Variants in DSCAML1 observed in about 807,000 individuals in gnomAD.
The protein encoded by DSCAML1 is DS cell adhesion molecule like 1, also known as cell adhesion molecule DSCAML1.
A neutral mutation model predicts 200.5 loss-of-function variants in DSCAML1; 38 were observed. The observed-to-expected ratio is 0.19, with a 90% CI of 0.15 to 0.25. The LOEUF (loss-of-function observed/expected upper bound fraction) is 0.25, where lower values mean the gene tolerates loss of function less well. Among genes scored for constraint, DSCAML1 ranks in the 10% least tolerant of loss-of-function variants. The pLI is 1.00. For missense variants in DSCAML1, 2,223 were observed against 2,858.8 expected (o/e 0.78, Z 5.07); for synonymous variants, 1,215 against 1,165.0 (o/e 1.04, Z -0.87).
chr11:117,450,715 T>C, intron 19 of DSCAML1, 27 bp from the exon 20 acceptor site: 1 of 1,608,188 alleles, frequency 6.2e-7, no homozygotes, highest in South Asian at 1.1e-5. Context: ...CCTGGTCAGT[T>C]GAGAGAAAGC....
At chr11:117,661,471 T>C (rs1468930302) in intron 3 of DSCAML1, among the ~76,000 whole-genome samples, 1 of 152,224 alleles carries the variant, frequency 6.6e-6, no homozygotes, top group Non-Finnish European at 1.5e-5. Context: ...ATTGTCTAAT[T>C]ATGGCTCATT....
intron 19 of DSCAML1, among the ~76,000 whole-genome samples, chr11:117,454,065 A>G (rs1311278892): frequency 6.6e-6 from 1 of 152,046 alleles, no homozygotes; most frequent in African/African-American, 2.4e-5. Context: ...TTGTGGCTTG[A>G]TATCTTTCAT....
intron 3 of DSCAML1, among the ~76,000 whole-genome samples, chr11:117,685,822 G>A (rs1004644445): frequency 2.0e-5 from 3 of 152,186 alleles, no homozygotes; most frequent in Admixed American, 6.5e-5. Context: ...CCTGTCATTC[G>A]TGAAGGGAGA....
intron 4 of DSCAML1, among the ~76,000 whole-genome samples, chr11:117,530,102 C>T (rs533392510): frequency 2.0e-5 from 3 of 152,206 alleles, no homozygotes; most frequent in Admixed American, 6.5e-5. Flanking sequence ...CTGTCGGTAC[C>T]GTCCCATCTT....
chr11:117,516,344 T>G lies in DSCAML1; in HGVS notation c.1783+123A>C. 3.9e-6 allele frequency: 5 copies of G among 1,283,984 alleles called. No individual in the cohort carries two copies. Among genetic ancestry groups the G allele is most frequent in the Non-Finnish European group, 5.3e-6 (5 of 944,024 alleles). The allele number at this position is 1,283,984 out of a possible 1,614,324, so 79.5% of individuals were successfully genotyped here. A position where few individuals can be genotyped will look rare whatever the true frequency, so the allele number is the denominator to read the frequency against. On this transcript the variant is annotated intron_variant, in intron 8 of 32. Transcript: ENST00000651296. The surrounding 1 kb of genome is among the most constrained non-coding windows in gnomAD (Gnocchi z 5.7). ...TTTTTCTGAATGCCAAGCTGGGGCC[T>G]CTCTTGCTCAGCCTTCCGTTCACCC...
At chr11:117,640,461 A>G (rs2052384920) in intron 3 of DSCAML1, among the ~76,000 whole-genome samples, 2 of 152,220 alleles carry the variant, frequency 1.3e-5, no homozygotes, top group South Asian at 4.1e-4. Flanking sequence ...TACGTCATAC[A>G]GAGGCAAGTG....
At chr11:117,641,198 C>G (rs972998821) in intron 3 of DSCAML1, among the ~76,000 whole-genome samples, 1 of 152,216 alleles carries the variant, frequency 6.6e-6, no homozygotes, top group Non-Finnish European at 1.5e-5. Flanking sequence ...GACTAGTTGA[C>G]CCCAGGGTCC....
intron 3 of DSCAML1, among the ~76,000 whole-genome samples, chr11:117,710,081 G>A (rs2053820822): frequency 6.6e-6 from 1 of 152,154 alleles, no homozygotes; most frequent in Non-Finnish European, 1.5e-5. Context: ...TGTTCTGATG[G>A]TCTGGGATTT....
chr11:117,595,089 C>CA (rs375717572), intron 3 of DSCAML1, among the ~76,000 whole-genome samples: 52 of 151,496 alleles, frequency 3.4e-4, no homozygotes, highest in African/African-American at 1.2e-3. Context: ...CACACACACA[C>CA]CCTTTGATAT....
At chr11:117,750,282 G>C (rs903679918) in intron 3 of DSCAML1, among the ~76,000 whole-genome samples, 2 of 152,218 alleles carry the variant, frequency 1.3e-5, no homozygotes, top group African/African-American at 4.8e-5. Flanking sequence ...ACCGAGCGGG[G>C]ATATGCAGGT....
rs572186373 is a variant in DSCAML1, at chr11:117,652,294, T to C, written c.512-119772A>G. ...CTCTTAGTCTCCATGACGAGAGAGGTCACCTGGGCTACGCATGTGATGCTG... is the reference window on the plus strand; with the variant it reads ...CTCTTAGTCTCCATGACGAGAGAGGCCACCTGGGCTACGCATGTGATGCTG... On this transcript the variant is annotated intron_variant, in intron 3 of 32. Transcript: ENST00000651296. Among the ~76,000 whole-genome samples, 20 of 152,198 alleles carry C rather than the reference T, an allele frequency of 1.3e-4. No individual in the cohort carries two copies. The South Asian group carries it at 3.7e-3, about 28-fold the overall frequency.
intron 3 of DSCAML1, among the ~76,000 whole-genome samples, chr11:117,613,744 G>T (rs1026568398): frequency 2.6e-5 from 4 of 152,142 alleles, no homozygotes; most frequent in African/African-American, 9.7e-5. Flanking sequence ...AATATAACTG[G>T]CCCCAGGGGG....
intron 3 of DSCAML1, among the ~76,000 whole-genome samples, chr11:117,620,118 A>C (rs1056192672): frequency 6.6e-6 from 1 of 152,286 alleles, no homozygotes; most frequent in South Asian, 2.1e-4. Context: ...ATTACAGCCC[A>C]GTGACTTTGA....
intron 3 of DSCAML1, among the ~76,000 whole-genome samples, chr11:117,697,090 G>A (rs571171328): frequency 1.2e-4 from 18 of 152,234 alleles, no homozygotes; most frequent in South Asian, 4.2e-4. Flanking sequence ...TTGTCATCTC[G>A]TTTTATCAAT....
chr11:117,782,489 C>T (rs1348426167), intron 1 of DSCAML1, among the ~76,000 whole-genome samples: 1 of 152,164 alleles, frequency 6.6e-6, no homozygotes, highest in Non-Finnish European at 1.5e-5. Context: ...CTTCATGCTG[C>T]CTACTCTTGT....
Position 117,780,363 on chromosome 11 carries a change from C to T in DSCAML1, c.364+130G>A. The T allele has an allele frequency of 1.4e-6, 1 of 728,408 alleles. No homozygotes were observed. Among genetic ancestry groups the T allele is most frequent in the Non-Finnish European group, 2.0e-6 (1 of 505,598 alleles). The allele number at this position is 728,408 out of a possible 1,614,324, so 45.1% of individuals were successfully genotyped here. A position where few individuals can be genotyped will look rare whatever the true frequency, so the allele number is the denominator to read the frequency against. On this transcript the variant is annotated intron_variant, in intron 2 of 32. Transcript: ENST00000651296. The surrounding 1 kb of genome is among the most constrained non-coding windows in gnomAD (Gnocchi z 4.8). ...TATGGACACACAGCAAGTGGTACAA[C>T]AAAGATTCAAAAGAGAACAACAAAA...
chr11:117,650,704 T>TGC (rs1555194712), intron 3 of DSCAML1, among the ~76,000 whole-genome samples: 11 of 142,670 alleles, frequency 7.7e-5, no homozygotes, highest in East Asian at 6.1e-4. Context: ...TGTGTGTGCG[T>TGC]GTGTGTGTGT....
At chr11:117,500,942 C>T (rs1170836608) in intron 11 of DSCAML1, among the ~76,000 whole-genome samples, 4 of 152,012 alleles carry the variant, frequency 2.6e-5, no homozygotes, top group African/African-American at 9.7e-5. Context: ...AAAACTTTCC[C>T]GAGTGTATTA....
At chr11:117,619,964 G>A (rs547803928) in intron 3 of DSCAML1, among the ~76,000 whole-genome samples, 3 of 152,260 alleles carry the variant, frequency 2.0e-5, no homozygotes, top group South Asian at 2.1e-4. Flanking sequence ...TTGAGCCTAC[G>A]TGGGAATAAT....
Sources: allele counts gnomAD v4.1 joint callset (sites outside exome capture counted in the v4.1 genomes callset), GRCh38; gene constraint gnomAD v4.1.1; non-coding constraint Gnocchi (gnomAD v3.1); transcripts MANE v1.5; gene names NCBI Gene and HGNC (gene_info 2026-07-23, HGNC 2026-07-21).